TGM7: variants seen among roughly 807,000 people sequenced by gnomAD.
The protein encoded by TGM7 is transglutaminase 7, also known as protein-glutamine gamma-glutamyltransferase Z.
In TGM7, 74 loss-of-function variants were observed where a neutral mutation model predicts 79.5. The observed-to-expected ratio is 0.93, with a 90% CI of 0.77 to 1.13. TGM7 has a LOEUF of 1.13. Among genes scored for constraint, TGM7 ranks in the 50% most tolerant of loss-of-function variants. TGM7 has a pLI of 0.00. For missense variants in TGM7, 912 were observed against 905.9 expected (o/e 1.01, Z -0.09); for synonymous variants, 354 against 362.5 (o/e 0.98, Z 0.27).
In TGM7 at chr15:43,287,659, T is replaced by A. The variant is rs764978845; in HGVS notation, c.569A>T (p.Asp190Val). 1.5e-5 allele frequency: 24 copies of A among 1,608,902 alleles called. No individual in the cohort carries two copies. The highest frequency in any genetic ancestry group is 2.0e-5 in the Non-Finnish European group (24 of 1,178,804). ...WPWNYGQFEE[D>V]IIDICFEILN... Reference sequence around the variant, plus strand: ...GATCTCAAAGCAGATGTCTATGATGTCCTCTTCAAACTTCCAAGTGATTTT... The same window carrying A: ...GATCTCAAAGCAGATGTCTATGATGACCTCTTCAAACTTCCAAGTGATTTT... Residue 190 changes from aspartate (D) to valine (V), a missense_variant, in exon 5 of 13, where the codon GAC becomes GTC. Coordinates refer to ENST00000452443, the MANE Select transcript of TGM7 (RefSeq NM_052955.3).
At chr15:43,296,615 C>T (rs2042993798) in intron 1 of TGM7, among the ~76,000 whole-genome samples, 1 of 152,090 alleles carries the variant, frequency 6.6e-6, no homozygotes, top group Non-Finnish European at 1.5e-5. Context: ...CAGGGACACA[C>T]AGGAGGGAAC....
intron 1 of TGM7, among the ~76,000 whole-genome samples, chr15:43,295,869 G>A (rs1451489883): frequency 6.6e-6 from 1 of 152,234 alleles, no homozygotes; most frequent in African/African-American, 2.4e-5. Context: ...ACCTCTTGAT[G>A]TGTTGGGGCA....
At chr15:43,292,586 G>T in intron 3 of TGM7, 123 bp downstream of exon 3, 1 of 1,219,718 alleles carries the variant, frequency 8.2e-7, no homozygotes, top group Non-Finnish European at 1.1e-6. Flanking sequence ...TGATTTTTGT[G>T]AGAGCACACG....
At chr15:43,292,411 C>A (rs1261504515) in intron 3 of TGM7, among the ~76,000 whole-genome samples, 2 of 152,196 alleles carry the variant, frequency 1.3e-5, no homozygotes, top group Non-Finnish European at 2.9e-5. Flanking sequence ...TGCTCACTCC[C>A]ACTACTCAGA....
At chr15:43,282,495 T>G (rs1227212144) in intron 8 of TGM7, 22 bp downstream of exon 8, 2 of 1,561,182 alleles carry the variant, frequency 1.3e-6, no homozygotes, top group Non-Finnish European at 1.7e-6. Context: ...AGCCAGAGCC[T>G]GTTGCAATGG....
In TGM7 at chr15:43,287,620, A is replaced by C; in HGVS notation, c.608T>G (p.Leu203Arg). Residue 203 changes from leucine to arginine, a missense_variant, in exon 5 of 13, where the codon CTG becomes CGG. Transcript: ENST00000452443. ...DICFEILNKS[L>R]YHLKNPAKDC... is the part of the protein sequence containing the mutation. ...TTTGGCCGGGTTCTTTAAGTGATACAGGCTCTTGTTCAGGATCTCAAAGCA... is the reference window on the plus strand; with the variant it reads ...TTTGGCCGGGTTCTTTAAGTGATACCGGCTCTTGTTCAGGATCTCAAAGCA... The C allele has an allele frequency of 1.9e-6, 3 of 1,614,170 alleles. No individual in the cohort carries two copies. The highest frequency in any genetic ancestry group is 1.7e-6 in the Non-Finnish European group (2 of 1,180,034).
At chr15:43,301,439 GGCCAACA>G (rs2043024810) in intron 1 of TGM7, among the ~76,000 whole-genome samples, 1 of 151,490 alleles carries the variant, frequency 6.6e-6, no homozygotes, top group Non-Finnish European at 1.5e-5. Flanking sequence ...AGACCAGCCT[GGCCAACA>G]TGGCGAAACC....
chr15:43,295,248 G>A (rs2042986674), intron 1 of TGM7, among the ~76,000 whole-genome samples: 1 of 152,236 alleles, frequency 6.6e-6, no homozygotes. Context: ...TTGGTGGCCA[G>A]TTGTGTATCA....
At chr15:43,299,118 C>A (rs1439757630) in intron 1 of TGM7, among the ~76,000 whole-genome samples, 1 of 152,128 alleles carries the variant, frequency 6.6e-6, no homozygotes, top group Non-Finnish European at 1.5e-5. Context: ...TGGAAATTTT[C>A]TTTCCTTTAG....
At position 43,279,328 on chromosome 15, in the gene TGM7, G is replaced by C. The variant is rs143620893; in HGVS notation, c.1679-51C>G. The C allele has an allele frequency of 7.6e-4, 1,204 of 1,576,834 alleles. 7 individuals carry two copies. The African/African-American group carries it at 0.014, about 19-fold the overall frequency. On this transcript the variant is annotated intron_variant, in intron 10 of 12. Transcript: ENST00000452443. ...AGTCCAGGACATGGACCAGAGAGAG[G>C]GGGGACATGTAGATGTGAGAGAGGA...
At chr15:43,299,290 G>A (rs2043015286) in intron 1 of TGM7, among the ~76,000 whole-genome samples, 1 of 152,188 alleles carries the variant, frequency 6.6e-6, no homozygotes, top group African/African-American at 2.4e-5. Flanking sequence ...GACCAGAGGG[G>A]AAGAAGAGAA....
chr15:43,277,590 G>A (rs984636664), intron 11 of TGM7, among the ~76,000 whole-genome samples: 11 of 152,182 alleles, frequency 7.2e-5, no homozygotes, highest in East Asian at 1.9e-4. Context: ...GCATGCACTC[G>A]AGTTTTTCCA....
At chr15:43,283,480 C>CTTTTTTTTTTTTT (rs11335371) in intron 7 of TGM7, among the ~76,000 whole-genome samples, 1 of 151,408 alleles carries the variant, frequency 6.6e-6, no homozygotes, top group African/African-American at 2.4e-5. Context: ...CTCTCTTTTT[C>CTTTTTTTTTTTTT]TTTTTTTTTG....
intron 1 of TGM7, among the ~76,000 whole-genome samples, chr15:43,295,547 C>G (rs485148): frequency 0.46 from 69,447 of 151,942 alleles, 19,740 homozygotes; most frequent in African/African-American, 0.81. Context: ...CCAGGATTGC[C>G]CCATTGCACT....
chr15:43,279,974 A>G, intron 9 of TGM7, 23 bp from the exon 10 acceptor site: 1 of 1,603,706 alleles, frequency 6.2e-7, no homozygotes, highest in Non-Finnish European at 8.5e-7. Flanking sequence ...GAGGTAGGAG[A>G]GACATGCATG....
At chr15:43,293,016 G>C in intron 2 of TGM7, 62 bp from the exon 3 acceptor site, 2 of 1,578,082 alleles carry the variant, frequency 1.3e-6, no homozygotes, top group South Asian at 2.3e-5. Flanking sequence ...TATGATTCCA[G>C]GGGAGTCGGA....
chr15:43,299,578 G>A (rs1175028598), intron 1 of TGM7, among the ~76,000 whole-genome samples: 2 of 152,188 alleles, frequency 1.3e-5, no homozygotes, highest in African/African-American at 4.8e-5. Flanking sequence ...AGGTTGGCAC[G>A]CTCTAGGTGG....
rs1180886705 is a variant in TGM7, at chr15:43,276,567, A to G, written c.2021T>C (p.Leu674Pro). 6.2e-7 allele frequency: 1 copy of G among 1,614,148 alleles called. No homozygotes were observed. Among genetic ancestry groups the G allele is most frequent in the Non-Finnish European group, 8.5e-7 (1 of 1,179,998 alleles). ...AGHTLQIQLD[L>P]YPTKAGPRQL... The stretch of plus-strand genomic sequence containing the variant: ...GCGGGGTCCAGCTTTGGTCGGGTAG[A>G]GGTCCAGTTGAATTTGGAGGGTGTG... The change falls in exon 13 of 13, where the codon CTC (leucine) becomes CCC (proline). Residue 674 changes from leucine to proline, a missense_variant. Leu to Pro is a moderately conservative substitution (Grantham distance 98). Transcript: ENST00000452443.
intron 1 of TGM7, among the ~76,000 whole-genome samples, chr15:43,294,654 C>G (rs969783335): frequency 6.6e-6 from 1 of 152,110 alleles, no homozygotes; most frequent in African/African-American, 2.4e-5. Context: ...CATTTACTGT[C>G]GACAAAAGTT....
Sources: gnomAD v4.1 joint callset for allele counts (sites outside exome capture counted in the v4.1 genomes callset) on GRCh38, gnomAD v4.1.1 for gene constraint, MANE v1.5 for transcripts, NCBI Gene and HGNC (gene_info 2026-07-23, HGNC 2026-07-21) for gene names.